LFNG: variants seen among roughly 807,000 people sequenced by gnomAD.
LFNG encodes LFNG O-fucosylpeptide 3-beta-N-acetylglucosaminyltransferase, also known as beta-1,3-N-acetylglucosaminyltransferase lunatic fringe.
A neutral mutation model predicts 32.7 loss-of-function variants in LFNG; 15 were observed. The observed-to-expected ratio is 0.46, with a 90% CI of 0.31 to 0.71. The LOEUF (loss-of-function observed/expected upper bound fraction) is 0.71, where lower values mean the gene tolerates loss of function less well. Among genes scored for constraint, LFNG ranks in the 30% least tolerant of loss-of-function variants. The pLI, the probability that LFNG is intolerant of heterozygous loss-of-function variation, is 0.06. For synonymous variants in LFNG, 274 were observed against 246.8 expected (o/e 1.11, Z -1.03); for missense variants, 520 against 545.7 (o/e 0.95, Z 0.47).
Position 2,526,403 on chromosome 7 carries a change from C to G in LFNG, c.981C>G (p.His327Gln), listed in dbSNP as rs143318387. 3 of 1,607,494 alleles carry G rather than the reference C, an allele frequency of 1.9e-6. No individual in the cohort carries two copies. Among genetic ancestry groups the G allele is most frequent in the Non-Finnish European group, 1.7e-6 (2 of 1,179,890 alleles). The change falls in exon 6 of 8, where the codon CAC (histidine) becomes CAG (glutamine). Residue 327 changes from histidine (H) to glutamine (Q), a missense_variant. By Grantham distance (24) the His-to-Gln change is conservative (BLOSUM62 0). This residue lies in a region of LFNG where 150 missense variants were observed against 159.9 expected (regional missense o/e 0.94). Coordinates refer to ENST00000222725, the MANE Select transcript of LFNG (RefSeq NM_001040167.2). The surrounding 1 kb of genome is among the most constrained non-coding windows in gnomAD (Gnocchi z 6.9). ...NLQQVPTSELHEQVTLSYGMF... is the reference protein window; with the variant it reads ...NLQQVPTSELQEQVTLSYGMF... ...AGCAGGTGCCCACCTCGGAGCTCCA[C>G]GAGCAGGTGCACCATCCTCCGGGCC...
downstream of LFNG, among the ~76,000 whole-genome samples, chr7:2,528,613 G>T (rs969099390): frequency 1.6e-4 from 25 of 152,144 alleles, no homozygotes; most frequent in African/African-American, 6.0e-4. Context: ...GCCTGCTGGT[G>T]ACTACAGGTG....
upstream of LFNG, among the ~76,000 whole-genome samples, chr7:2,514,846 C>CCATCCATCCATG (rs1345500080): frequency 4.5e-5 from 6 of 133,934 alleles, no homozygotes; most frequent in African/African-American, 1.6e-4. Context: ...ATCCATCCAT[C>CCATCCATCCATG]CATCCATTCA....
chr7:2,520,074 GCA>G lies in LFNG; in HGVS notation c.216_217del (p.His72GlnfsTer78). On this transcript the variant is annotated frameshift_variant, in exon 1 of 8. Coordinates refer to ENST00000222725, the MANE Select transcript of LFNG (RefSeq NM_001040167.2). LOFTEE classifies it high-confidence loss of function. This position sits in a 1 kb window ranked among gnomAD's most constrained non-coding sequence, Gnocchi z 5.0. ...CGCCCGGGGCGCTGGTCCGCGACGT[GCA>G]CAGTCTGTCCGAGTACTTCAGCCTG... Reference protein sequence around the residue: ...AAPGALVRDVHSLSEYFSLLT... With the variant: ...AAPGALVRDVXSLSEYFSLLT... The G allele has an allele frequency of 7.9e-7, 1 of 1,261,074 alleles. No homozygotes were observed. Among genetic ancestry groups the G allele is most frequent in the Non-Finnish European group, 1.0e-6 (1 of 994,944 alleles). The allele number at this position is 1,261,074 out of a possible 1,614,324, so 78.1% of individuals were successfully genotyped here.
In LFNG at chr7:2,527,601, C is replaced by T; in HGVS notation, c.*389C>T. ...GTAGGTGCCTTTCTCTTCCTGCTGA[C>T]CACAAGCTCTGTGCTGGGGGTACCT... On this transcript the variant is annotated 3_prime_UTR_variant, in exon 8 of 8. Transcript: ENST00000222725. The surrounding 1 kb of genome is among the most constrained non-coding windows in gnomAD (Gnocchi z 4.4). The T allele has an allele frequency of 1.7e-6, 2 of 1,190,852 alleles. No homozygotes were observed. Among genetic ancestry groups the T allele is most frequent in the South Asian group, 1.6e-5 (1 of 61,008 alleles). The allele number at this position is 1,190,852 out of a possible 1,614,324, so 73.8% of individuals were successfully genotyped here. A position where few individuals can be genotyped will look rare whatever the true frequency, so the allele number is the denominator to read the frequency against.
At chr7:2,519,567 G>A (rs971220357), upstream of LFNG, among the ~76,000 whole-genome samples, 10 of 150,924 alleles carry the variant, frequency 6.6e-5, no homozygotes, top group Non-Finnish European at 1.0e-4. Context: ...GGGGCGGGGG[G>A]GGTGCGGGGC....
rs1780002994 is a variant in LFNG, at chr7:2,527,020, C to T, written c.1073+99C>T. On this transcript the variant is annotated intron_variant, in intron 7 of 7. Transcript: ENST00000222725. The surrounding 1 kb of genome is among the most constrained non-coding windows in gnomAD (Gnocchi z 4.4). ...CAGGGTCTCTCTAAGCGGCATGACT[C>T]TACATAGAGGTGTCCCCCGGAGTCC... is the stretch of plus-strand genomic sequence containing the variant. 1 of 1,423,310 alleles carries T rather than the reference C, an allele frequency of 7.0e-7. No homozygotes were observed. The highest frequency in any genetic ancestry group is 2.4e-5 in the East Asian group (1 of 41,962). 88.2% of individuals were successfully genotyped at this position (1,423,310 alleles called of 1,614,324 possible).
chr7:2,526,318 C>A lies in LFNG; in HGVS notation c.896C>A (p.Ala299Asp), dbSNP rs747541557. 6.2e-7 allele frequency: 1 copy of A among 1,612,732 alleles called. No homozygotes were observed. The highest frequency in any genetic ancestry group is 1.3e-5 in the African/African-American group (1 of 74,928). Residue 299 changes from alanine to aspartate, a missense_variant, in exon 6 of 8, where the codon GCC (alanine) becomes GAC (aspartate). Coordinates refer to ENST00000222725, the MANE Select transcript of LFNG (RefSeq NM_001040167.2). This position sits in a 1 kb window ranked among gnomAD's most constrained non-coding sequence, Gnocchi z 6.9. ...TGCACCATCGGCTACATCGTGGAGG[C>A]CCTGCTGGGTGTGCCCCTCATCCGC... is the stretch of plus-strand genomic sequence containing the variant. ...DDCTIGYIVE[A>D]LLGVPLIRSG...
chr7:2,519,464 G>A (rs571629327), upstream of LFNG, among the ~76,000 whole-genome samples: 44 of 152,114 alleles, frequency 2.9e-4, no homozygotes, highest in African/African-American at 1.1e-3. Flanking sequence ...GTGCATCCCC[G>A]GACGGCGCTG....
chr7:2,521,170 T>C (rs1049262304), intron 1 of LFNG, among the ~76,000 whole-genome samples: 6 of 151,978 alleles, frequency 3.9e-5, no homozygotes, highest in African/African-American at 1.4e-4. Flanking sequence ...CTGTCCTGTT[T>C]TGGGGCACTG....
Position 2,525,485 on chromosome 7 carries a change from C to G in LFNG, c.653C>G (p.Pro218Arg), listed in dbSNP as rs148460430. The stretch of plus-strand genomic sequence containing the variant: ...CTGCTGCGGCTGCTGGCCAGCTACC[C>G]GCACACGCGGGACGTCTACGTCGGC... The part of the protein sequence containing the change: ...RALLRLLASY[P>R]HTRDVYVGKP... The change falls in exon 4 of 8, where the codon CCG (proline) becomes CGG (arginine). Residue 218 changes from proline (P) to arginine (R), a missense_variant. Physicochemically the swap from Pro to Arg is moderately radical, Grantham distance 103. Coordinates refer to ENST00000222725, the MANE Select transcript of LFNG (RefSeq NM_001040167.2). 6.2e-7 allele frequency: 1 copy of G among 1,612,464 alleles called. No individual in the cohort carries two copies. The highest frequency in any genetic ancestry group is 2.2e-5 in the East Asian group (1 of 44,876).
At position 2,526,319 on chromosome 7, in the gene LFNG, C is replaced by T. The variant is rs369407612; in HGVS notation, c.897C>T (p.Ala299=). 2.9e-5 allele frequency: 47 copies of T among 1,612,706 alleles called. No homozygotes were observed. The highest frequency in any genetic ancestry group is 3.7e-5 in the Non-Finnish European group (44 of 1,179,978). ...GCACCATCGGCTACATCGTGGAGGC[C>T]CTGCTGGGTGTGCCCCTCATCCGCA... ...DDCTIGYIVE[A]LLGVPLIRSG... Residue 299 remains alanine, a synonymous_variant, in exon 6 of 8, where the codon GCC becomes GCT. Transcript: ENST00000222725. This position sits in a 1 kb window ranked among gnomAD's most constrained non-coding sequence, Gnocchi z 6.9.
rs1354981605 is a variant in LFNG, at chr7:2,526,885, T to TG, written c.1038dup (p.Lys347GlufsTer136). 6.2e-7 allele frequency: 1 copy of TG among 1,609,144 alleles called. No homozygotes were observed. On this transcript the variant is annotated frameshift_variant, in exon 7 of 8. Coordinates refer to ENST00000222725, the MANE Select transcript of LFNG (RefSeq NM_001040167.2). LOFTEE classifies it high-confidence loss of function. This position sits in a 1 kb window ranked among gnomAD's most constrained non-coding sequence, Gnocchi z 6.9. ...GAAAACAAGCGGAACGCCGTCCACG[T>TG]GAAGGGGCCCTTCTCGGTGGAGGCC...
chr7:2,513,477 G>A, upstream of LFNG: 1 of 957,346 alleles, frequency 1.0e-6, no homozygotes, highest in Non-Finnish European at 1.5e-6. Flanking sequence ...GATCAGGGAG[G>A]TACACAAGCC....
intron 1 of LFNG, among the ~76,000 whole-genome samples, chr7:2,522,593 T>C (rs1277212482): frequency 1.4e-5 from 2 of 145,504 alleles, no homozygotes; most frequent in Admixed American, 6.8e-5. Flanking sequence ...CCGTCCACCC[T>C]CATCCACCCG....
At chr7:2,524,565 G>A (rs1036085186) in intron 1 of LFNG, 130 bp from the exon 2 acceptor site, 16 of 860,074 alleles carry the variant, frequency 1.9e-5, no homozygotes, top group South Asian at 1.0e-4. Flanking sequence ...ACCAAGGCCC[G>A]GAGAAGGGTG....
chr7:2,522,582 C>T (rs1779824681), intron 1 of LFNG, among the ~76,000 whole-genome samples: 1 of 152,246 alleles, frequency 6.6e-6, no homozygotes, highest in South Asian at 2.1e-4. Context: ...GGCCCCCGCC[C>T]CCGTCCACCC....
upstream of LFNG, chr7:2,518,736 C>T (rs1435550683): frequency 5.8e-6 from 7 of 1,203,438 alleles, no homozygotes; most frequent in African/African-American, 1.5e-5. Context: ...CTTAGGAGGG[C>T]ACGGGAAGAC....
chr7:2,513,037 A>T, upstream of LFNG: 9 of 925,556 alleles, frequency 9.7e-6, no homozygotes, highest in South Asian at 1.4e-4. Flanking sequence ...ACTTTCCAGA[A>T]GTCCCCTGCC....
chr7:2,525,600 C>A, intron 4 of LFNG, 33 bp downstream of exon 4: 1 of 1,611,978 alleles, frequency 6.2e-7, no homozygotes, highest in Non-Finnish European at 8.5e-7. Context: ...CCCCCACGCC[C>A]ACGCGGAGCG....
Sources: gnomAD v4.1 joint callset for allele counts (sites outside exome capture counted in the v4.1 genomes callset) on GRCh38, gnomAD v4.1.1 for gene constraint, gnomAD v4.1.1 regional missense constraint, Gnocchi (gnomAD v3.1) non-coding constraint, MANE v1.5 for transcripts, NCBI Gene and HGNC (gene_info 2026-07-23, HGNC 2026-07-21) for gene names.